The following CPT1B variants were observed in gnomAD, a reference collection of about 807,000 sequenced individuals.
CPT1B encodes carnitine O-palmitoyltransferase 1, muscle isoform.
In CPT1B, 57 loss-of-function variants were observed where a neutral mutation model predicts 92.7. The ratio of observed to expected loss-of-function variants is 0.62; its 90% CI spans 0.50 to 0.77. The LOEUF is 0.77. Ranked by LOEUF, CPT1B falls within the 30% of genes least tolerant of loss-of-function variation. The pLI is 0.00. For synonymous variants in CPT1B, 398 were observed against 383.5 expected, an observed-to-expected ratio of 1.04 and a Z score of -0.44; for missense variants, 983 against 1,017.4, an observed-to-expected ratio of 0.97 and a Z score of 0.46.
intron 9 of CPT1B, 114 bp downstream of exon 9, chr22:50,574,221 C>T: frequency 1.2e-6 from 1 of 801,734 alleles, no homozygotes. Flanking sequence ...TCACAATTGA[C>T]TACTGTTCAC....
chr22:50,573,493 G>A lies in CPT1B; in HGVS notation c.1166+27C>T. ...TCACGGAGCCCTGAACTCAGGGTGG[G>A]GACAGTCCCTTCCTAGAGGCCAATA... On this transcript the variant is annotated intron_variant, in intron 10 of 19. Coordinates refer to ENST00000312108, the MANE Select transcript of CPT1B (RefSeq NM_152246.3). The surrounding 1 kb of genome is among the most constrained non-coding windows in gnomAD (Gnocchi z 5.0). The A allele has an allele frequency of 6.3e-7, 1 of 1,577,256 alleles. No homozygotes were observed. The highest frequency in any genetic ancestry group is 1.1e-5 in the South Asian group (1 of 87,152).
In CPT1B at chr22:50,574,550, G is replaced by A; in HGVS notation, c.828C>T (p.Asn276=). The A allele has an allele frequency of 1.2e-6, 2 of 1,614,126 alleles. No individual in the cohort carries two copies. The highest frequency in any genetic ancestry group is 1.7e-6 in the Non-Finnish European group (2 of 1,180,010). The change falls in exon 8 of 20, where the codon AAC becomes AAT. Residue 276 remains asparagine, a synonymous_variant. Coordinates refer to ENST00000312108, the MANE Select transcript of CPT1B (RefSeq NM_152246.3). The stretch of plus-strand genomic sequence containing the variant: ...GATACATGATCATGGCGTGGATGAT[G>A]TTTCCCAGGCGGGCTGCCTGCACGT... The part of the protein sequence containing the change: ...NTDVQAARLG[N]IIHAMIMYRR...
chr22:50,571,901 C>A, intron 13 of CPT1B, 105 bp downstream of exon 13: 1 of 1,093,346 alleles, frequency 9.1e-7, no homozygotes, highest in South Asian at 1.4e-5. Flanking sequence ...GAGGGCTGGG[C>A]CAGGCAGTGA....
Position 50,574,560 on chromosome 22 carries a change from C to G in CPT1B, c.818G>C (p.Arg273Pro), listed in dbSNP as rs777526020. 1 of 1,614,098 alleles carries G rather than the reference C, an allele frequency of 6.2e-7. No homozygotes were observed. The highest frequency in any genetic ancestry group is 8.5e-7 in the Non-Finnish European group (1 of 1,180,004). ...LIKNTDVQAA[R>P]LGNIIHAMIM... The stretch of plus-strand genomic sequence containing the variant: ...CATGGCGTGGATGATGTTTCCCAGG[C>G]GGGCTGCCTGCACGTCTGTATTCTT... Residue 273 changes from arginine (R) to proline (P), a missense_variant, in exon 8 of 20, where the codon CGC (arginine) becomes CCC (proline). By Grantham distance (103) the Arg-to-Pro change is moderately radical (BLOSUM62 -2). Coordinates refer to ENST00000312108, the MANE Select transcript of CPT1B (RefSeq NM_152246.3).
In CPT1B at chr22:50,573,228, G is replaced by C. The variant is rs2070268297; in HGVS notation, c.1167-168C>G. On this transcript the variant is annotated intron_variant, in intron 10 of 19. Transcript: ENST00000312108. The surrounding 1 kb of genome is among the most constrained non-coding windows in gnomAD (Gnocchi z 5.0). ...GGGGTGCCAGGCTGGGCCTGGAGGT[G>C]TTGGGGTGCGTGCCAGGCTGCGCCT... The C allele has an allele frequency of 1.6e-6, 1 of 635,352 alleles. No homozygotes were observed. Among genetic ancestry groups the C allele is most frequent in the African/African-American group, 1.8e-5 (1 of 54,200 alleles). 39.4% of individuals were successfully genotyped at this position (635,352 alleles called of 1,614,324 possible).
At chr22:50,577,114 C>T in intron 3 of CPT1B, 80 bp from the exon 4 acceptor site, 2 of 1,518,284 alleles carry the variant, frequency 1.3e-6, no homozygotes, top group African/African-American at 2.7e-5. Flanking sequence ...AGGGGAGACA[C>T]CAAGGGGAAG....
chr22:50,569,457 A>G, intron 18 of CPT1B, 36 bp from the exon 19 acceptor site: 1 of 1,612,010 alleles, frequency 6.2e-7, no homozygotes. Context: ...ACCTTCAGAT[A>G]TGTACCCACC....
At chr22:50,570,465 T>C in intron 16 of CPT1B, 59 bp from the exon 17 acceptor site, 1 of 1,355,108 alleles carries the variant, frequency 7.4e-7, no homozygotes, top group Non-Finnish European at 1.0e-6. Context: ...GTCCAACACG[T>C]GGTGTCTGCG....
chr22:50,575,900 C>T (rs2070406503), intron 7 of CPT1B, 135 bp downstream of exon 7: 4 of 767,154 alleles, frequency 5.2e-6, no homozygotes. Flanking sequence ...CTTCCCTTTC[C>T]CTCAGGCCTC....
rs2070175793 is a variant in CPT1B at position 50,571,559 on chromosome 22, G to C, written c.1576-20C>G. On this transcript the variant is annotated intron_variant, in intron 13 of 19. Coordinates refer to ENST00000312108, the MANE Select transcript of CPT1B (RefSeq NM_152246.3). ...CTGGCACTGCCAAGACATGGGAAGG[G>C]TCAGCTGAGGGTAGGGCTCTCCAAG... 6.2e-7 allele frequency: 1 copy of C among 1,607,958 alleles called. No homozygotes were observed. The highest frequency in any genetic ancestry group is 8.5e-7 in the Non-Finnish European group (1 of 1,179,518).
chr22:50,572,676 G>A (rs2070234970), intron 11 of CPT1B, among the ~76,000 whole-genome samples, 199 bp downstream of exon 11: 2 of 151,444 alleles, frequency 1.3e-5, no homozygotes, highest in African/African-American at 2.4e-5. Context: ...TTTATGAAGG[G>A]GTCTCGCTCC....
chr22:50,576,952 A>T lies in CPT1B; in HGVS notation c.364T>A (p.Phe122Ile), dbSNP rs575354075. The change falls in exon 4 of 20, where the codon TTC (phenylalanine) becomes ATC (isoleucine). Residue 122 changes from phenylalanine (F) to isoleucine (I), a missense_variant. Phe to Ile is a conservative substitution (Grantham distance 21). Transcript: ENST00000312108. The part of the protein sequence containing the change: ...FSTGVWVTGI[F>I]FFRQTLKLLL... ...AGCTTCAGGGTTTGGCGGAAGAAGA[A>T]GATGCCCGTCACCCAGACGCCCGTG... 3.7e-6 allele frequency: 6 copies of T among 1,614,104 alleles called. No individual in the cohort carries two copies. The highest frequency in any genetic ancestry group is 5.1e-6 in the Non-Finnish European group (6 of 1,180,022).
chr22:50,569,151 C>A (rs1209759240), intron 19 of CPT1B, 70 bp from the exon 20 acceptor site: 10 of 558,670 alleles, frequency 1.8e-5, no homozygotes, highest in Non-Finnish European at 3.2e-5. Flanking sequence ...AAATTCCCTT[C>A]CTGCTCCAAC....
At position 50,573,750 on chromosome 22, in the gene CPT1B, C is replaced by T; in HGVS notation, c.971-35G>A. ...AGGCCACGGGCAAGCTGAGGCGGGGCCCCCAGCTACATCCTGGGAAGGGCC... is the reference window on the plus strand; with the variant it reads ...AGGCCACGGGCAAGCTGAGGCGGGGTCCCCAGCTACATCCTGGGAAGGGCC... On this transcript the variant is annotated intron_variant, in intron 9 of 19. Coordinates refer to ENST00000312108, the MANE Select transcript of CPT1B (RefSeq NM_152246.3). This position sits in a 1 kb window ranked among gnomAD's most constrained non-coding sequence, Gnocchi z 5.0. 6.3e-7 allele frequency: 1 copy of T among 1,584,474 alleles called. No individual in the cohort carries two copies. The highest frequency in any genetic ancestry group is 8.6e-7 in the Non-Finnish European group (1 of 1,161,386).
intron 11 of CPT1B, 136 bp downstream of exon 11, chr22:50,572,739 C>G (rs948297345): frequency 1.1e-6 from 1 of 951,338 alleles, no homozygotes; most frequent in Non-Finnish European, 1.6e-6. Flanking sequence ...CCTGCCTTGG[C>G]CCCCAAAGTG....
intron 11 of CPT1B, 118 bp from the exon 12 acceptor site, chr22:50,572,426 C>T: frequency 1.5e-6 from 1 of 654,338 alleles, no homozygotes; most frequent in Non-Finnish European, 2.6e-6. Context: ...TTTTCTCTCA[C>T]TTTTTTTTTA....
intron 7 of CPT1B, 68 bp downstream of exon 7, chr22:50,575,967 C>G: frequency 6.7e-7 from 1 of 1,493,146 alleles, no homozygotes; most frequent in Non-Finnish European, 9.3e-7. Context: ...GGCTGTCCTC[C>G]AGATCCCTTG....
chr22:50,569,476 C>T, intron 18 of CPT1B, 55 bp from the exon 19 acceptor site: 1 of 1,609,806 alleles, frequency 6.2e-7, no homozygotes, highest in African/African-American at 1.3e-5. Flanking sequence ...CCCCTCTGTT[C>T]CCACAAGCAA....
chr22:50,574,631 G>T (rs1015974360), intron 7 of CPT1B, 31 bp from the exon 8 acceptor site: 1 of 1,585,764 alleles, frequency 6.3e-7, no homozygotes, highest in South Asian at 1.1e-5. Context: ...CGGGGTGGGG[G>T]CCTCTGTCTG....
Sources: allele counts gnomAD v4.1 joint callset (sites outside exome capture counted in the v4.1 genomes callset), GRCh38; gene constraint gnomAD v4.1.1; non-coding constraint Gnocchi (gnomAD v3.1); transcripts MANE v1.5; gene names NCBI Gene and HGNC (gene_info 2026-07-23, HGNC 2026-07-21).